Variants in ELL2 observed in about 807,000 individuals in gnomAD.
ELL2 encodes RNA polymerase II elongation factor ELL2.
Under a neutral mutation model 72.8 loss-of-function variants are expected in ELL2, and 21 were observed. That is an observed-to-expected ratio of 0.29 (90% CI 0.20 to 0.42). ELL2 has a LOEUF of 0.42. ELL2 is among the 10% of genes least tolerant of loss of function. The pLI is 1.00. For synonymous variants in ELL2, 266 were observed against 283.2 expected (o/e 0.94, Z 0.61); for missense variants, 568 against 772.8 (o/e 0.73, Z 3.14).
Position 95,947,472 on chromosome 5 carries a change from T to C in ELL2, c.148-4423A>G, listed in dbSNP as rs553550505. 1.4e-4 allele frequency among the ~76,000 whole-genome samples: 22 copies of C among 152,334 alleles called. No individual in the cohort carries two copies. The South Asian group carries it at 4.4e-3, about 30-fold the overall frequency. ...CAACAAGAATAATTTTTATTTAGTT[T>C]TCTAATGTATGGCACAGAGCATTTT... On this transcript the variant is annotated intron_variant, in intron 1 of 11. Coordinates refer to ENST00000237853, the MANE Select transcript of ELL2 (RefSeq NM_012081.6).
intron 1 of ELL2, among the ~76,000 whole-genome samples, chr5:95,953,655 G>A (rs1258663867): frequency 6.6e-6 from 1 of 150,996 alleles, no homozygotes; most frequent in Admixed American, 6.6e-5. Flanking sequence ...TGTATGTATA[G>A]CAAAAGTTTT....
chr5:95,930,460 C>CATT (rs927561867), intron 2 of ELL2, among the ~76,000 whole-genome samples: 8 of 152,196 alleles, frequency 5.3e-5, no homozygotes, highest in African/African-American at 1.9e-4. Flanking sequence ...TCACCCCAAC[C>CATT]TAATCAATGT....
intron 2 of ELL2, among the ~76,000 whole-genome samples, chr5:95,934,611 A>C (rs1169584184): frequency 6.6e-6 from 1 of 152,238 alleles, no homozygotes; most frequent in African/African-American, 2.4e-5. Context: ...GATCACAGAC[A>C]GAGAGAAAAC....
chr5:95,903,993 A>G (rs1316092169), intron 5 of ELL2, among the ~76,000 whole-genome samples: 1 of 152,196 alleles, frequency 6.6e-6, no homozygotes, highest in African/African-American at 2.4e-5. Context: ...AAGTCTTATC[A>G]CAAAATATTA....
chr5:95,953,676 G>GA, intron 1 of ELL2, among the ~76,000 whole-genome samples: 1 of 128,074 alleles, frequency 7.8e-6, no homozygotes, highest in African/African-American at 3.7e-5. Flanking sequence ...ATGCACTCAT[G>GA]ATTCTTTTGT....
chr5:95,940,357 A>G (rs1470509163), intron 2 of ELL2, among the ~76,000 whole-genome samples: 1 of 152,198 alleles, frequency 6.6e-6, no homozygotes, highest in Non-Finnish European at 1.5e-5. Flanking sequence ...CTTCAACCTA[A>G]GGGAACATGT....
chr5:95,909,212 A>G (rs1009905763), intron 4 of ELL2, among the ~76,000 whole-genome samples: 2 of 152,240 alleles, frequency 1.3e-5, no homozygotes, highest in Non-Finnish European at 2.9e-5. Context: ...TGAAGACAGA[A>G]CTAGAGTTTT....
At chr5:95,935,619 A>G (rs1480739936) in intron 2 of ELL2, among the ~76,000 whole-genome samples, 2 of 152,186 alleles carry the variant, frequency 1.3e-5, no homozygotes, top group African/African-American at 4.8e-5. Context: ...CAATTCTCCA[A>G]TGGGAATACC....
At chr5:95,956,074 T>G (rs750930841) in intron 1 of ELL2, among the ~76,000 whole-genome samples, 3 of 152,306 alleles carry the variant, frequency 2.0e-5, no homozygotes, top group African/African-American at 7.2e-5. Flanking sequence ...ATCTGGTGAT[T>G]GTCCTTGGTA....
intron 2 of ELL2, among the ~76,000 whole-genome samples, chr5:95,936,333 T>C (rs1186196966): frequency 6.6e-6 from 1 of 152,214 alleles, no homozygotes; most frequent in Non-Finnish European, 1.5e-5. Context: ...TATATATATG[T>C]ATAGTCTCCA....
chr5:95,900,750 G>C lies in ELL2; in HGVS notation c.897C>G (p.Gly299=), dbSNP rs41276265. ...ATACAGGAGATTCTGAACGGCTGGT[G>C]CCTGCAGCATTCTGAGACGGATTTA... ...RKLNPSQNAA[G]TSRSESPVCS... The change falls in exon 7 of 12, where the codon GGC becomes GGG. Residue 299 remains glycine, a synonymous_variant. Transcript: ENST00000237853. 0.014 allele frequency: 21,954 copies of C among 1,604,754 alleles called. 236 individuals are homozygous for C. Among genetic ancestry groups the C allele is most frequent in the Non-Finnish European group, 0.016 (18,685 of 1,173,552 alleles).
intron 1 of ELL2, 62 bp downstream of exon 1, chr5:95,961,513 G>A: frequency 7.2e-7 from 1 of 1,392,604 alleles, no homozygotes; most frequent in African/African-American, 1.5e-5. Context: ...ACCCGGGCGC[G>A]GCCAGGCCGT....
intron 4 of ELL2, among the ~76,000 whole-genome samples, chr5:95,907,296 A>ATATATATATATATTTTTTTTTTTTTTT: frequency 5.1e-5 from 6 of 116,520 alleles, no homozygotes; most frequent in South Asian, 3.0e-4. Context: ...ATATATATAT[A>ATATATATATATATTTTTTTTTTTTTTT]TTTTTTTTTT....
chr5:95,896,389 T>C (rs2112273150), intron 8 of ELL2, among the ~76,000 whole-genome samples: 1 of 152,138 alleles, frequency 6.6e-6, no homozygotes, highest in East Asian at 1.9e-4. Context: ...CCAGAGGATA[T>C]GTTTAGATTC....
In ELL2 at chr5:95,899,382, T is replaced by TA. The variant is rs144599387; in HGVS notation, c.955-573dup. ...CTGTCATTTATCATTCCACCTGTCT[T>TA]AGAGTGGGAACAGCCAGCACTTTCA... On this transcript the variant is annotated intron_variant, in intron 7 of 11. Coordinates refer to ENST00000237853, the MANE Select transcript of ELL2 (RefSeq NM_012081.6). Among the ~76,000 whole-genome samples the TA allele has an allele frequency of 6.8e-3, 1,032 of 152,310 alleles. 12 individuals are homozygous for TA. The highest frequency in any genetic ancestry group is 0.057 in the South Asian group (277 of 4,818).
At chr5:95,902,671 TAAAATTCAAATTTGC>T (rs1168090988) in intron 5 of ELL2, among the ~76,000 whole-genome samples, 5 of 152,382 alleles carry the variant, frequency 3.3e-5, no homozygotes, top group South Asian at 2.1e-4. Context: ...AGGTTTATCT[TAAAATTCAAATTTGC>T]AAAATTCAAA....
Position 95,895,649 on chromosome 5 carries a change from A to G in ELL2, c.1568T>C (p.Ile523Thr), listed in dbSNP as rs778363757. The change falls in exon 9 of 12, where the codon ATT (isoleucine) becomes ACT (threonine). Residue 523 changes from isoleucine (I) to threonine (T), a missense_variant. Around this residue, in one of 2 missense-constraint regions of ELL2, gnomAD observed 511 missense variants for 728.4 expected, o/e 0.70. Transcript: ENST00000237853. ...TTACATCAAATAATCTGGGAGTTCAATTGCTGAAGGTTCCATGGAGGCAGT... is the reference window on the plus strand; with the variant it reads ...TTACATCAAATAATCTGGGAGTTCAGTTGCTGAAGGTTCCATGGAGGCAGT... ...DCTASMEPSAIELPDYLIKYI... is the reference protein window; with the variant it reads ...DCTASMEPSATELPDYLIKYI... The G allele has an allele frequency of 3.1e-6, 5 of 1,614,138 alleles. No homozygotes were observed. Among genetic ancestry groups the G allele is most frequent in the South Asian group, 1.1e-5 (1 of 91,084 alleles).
At chr5:95,912,327 T>C (rs578116479) in intron 4 of ELL2, among the ~76,000 whole-genome samples, 2 of 152,238 alleles carry the variant, frequency 1.3e-5, no homozygotes, top group African/African-American at 2.4e-5. Flanking sequence ...GCTAGTTATA[T>C]CGGGAAGGAA....
chr5:95,928,276 A>G lies in ELL2; in HGVS notation c.196-8731T>C, dbSNP rs79674396. 8.5e-3 allele frequency among the ~76,000 whole-genome samples: 1,290 copies of G among 152,320 alleles called. 22 individuals carry two copies. Among genetic ancestry groups the G allele is most frequent in the African/African-American group, 0.029 (1,194 of 41,570 alleles). ...AGTGAGACAGCCATCGAGAAAATCTAAATAGTTTCTTCAAAATGCAGTCAT... is the reference window on the plus strand; with the variant it reads ...AGTGAGACAGCCATCGAGAAAATCTGAATAGTTTCTTCAAAATGCAGTCAT... On this transcript the variant is annotated intron_variant, in intron 2 of 11. Transcript: ENST00000237853.
Sources: allele counts gnomAD v4.1 joint callset (sites outside exome capture counted in the v4.1 genomes callset), GRCh38; gene constraint gnomAD v4.1.1; regional missense constraint gnomAD v4.1.1; transcripts MANE v1.5; gene names NCBI Gene and HGNC (gene_info 2026-07-23, HGNC 2026-07-21).